The following ZDHHC18 variants were observed in gnomAD, a reference collection of about 807,000 sequenced individuals.
The protein encoded by ZDHHC18 is palmitoyltransferase ZDHHC18.
Under a neutral mutation model 37.5 loss-of-function variants are expected in ZDHHC18, and 23 were observed. That is an observed-to-expected ratio of 0.61 (90% CI 0.44 to 0.87). The LOEUF (loss-of-function observed/expected upper bound fraction) is 0.87, where lower values mean the gene tolerates loss of function less well. ZDHHC18 is among the 40% of genes least tolerant of loss of function. ZDHHC18 has a pLI of 0.00. For missense variants in ZDHHC18, 406 were observed against 525.6 expected (o/e 0.77, Z 2.22); for synonymous variants, 185 against 218.7 (o/e 0.85, Z 1.36).
chr1:26,841,556 A>G (rs1210994837), intron 2 of ZDHHC18, among the ~76,000 whole-genome samples: 3 of 152,218 alleles, frequency 2.0e-5, no homozygotes, highest in South Asian at 2.1e-4. Context: ...TCCAAAGCCT[A>G]TGTCCAAGTC....
chr1:26,843,108 T>TA (rs1398675714), intron 2 of ZDHHC18, among the ~76,000 whole-genome samples: 2 of 152,106 alleles, frequency 1.3e-5, no homozygotes, highest in Non-Finnish European at 2.9e-5. Context: ...CTAAATAACT[T>TA]ACTTAAGTCT....
At position 26,851,269 on chromosome 1, in the gene ZDHHC18, C is replaced by G. The variant is rs202069161; in HGVS notation, c.936+38C>G. ...GGAGCCACCCCTCATTCTAGGGCAG[C>G]GCCCTCAGGAGGAGGCAGGGCTGAG... On this transcript the variant is annotated intron_variant, in intron 6 of 7. Transcript: ENST00000374142. 10 of 1,589,112 alleles carry G rather than the reference C, an allele frequency of 6.3e-6. No homozygotes were observed. In the African/African-American group the frequency reaches 1.3e-4, roughly 21 times the overall value.
chr1:26,852,785 T>C lies in ZDHHC18; in HGVS notation c.969T>C (p.Gly323=). The C allele has an allele frequency of 6.2e-7, 1 of 1,614,068 alleles. No individual in the cohort carries two copies. Among genetic ancestry groups the C allele is most frequent in the South Asian group, 1.1e-5 (1 of 91,082 alleles). Residue 323 remains glycine (G), a synonymous_variant, in exon 7 of 8, where the codon GGT becomes GGC. Coordinates refer to ENST00000374142, the MANE Select transcript of ZDHHC18 (RefSeq NM_032283.3). ...IKGSWSSKRG[G]EASVNPYSHK... is the part of the protein sequence containing the mutation. ...GCTCGTGGTCCAGCAAGAGGGGCGGTGAGGCCTCTGTCAACCCCTACAGCC... is the reference window on the plus strand; with the variant it reads ...GCTCGTGGTCCAGCAAGAGGGGCGGCGAGGCCTCTGTCAACCCCTACAGCC...
chr1:26,838,837 G>A (rs1043661096), intron 2 of ZDHHC18, among the ~76,000 whole-genome samples: 3 of 152,256 alleles, frequency 2.0e-5, no homozygotes, highest in Admixed American at 6.5e-5. Context: ...ACTAAGCCTG[G>A]TATGTGGTGA....
At chr1:26,843,236 G>A (rs1261946505) in intron 2 of ZDHHC18, among the ~76,000 whole-genome samples, 9 of 148,730 alleles carry the variant, frequency 6.1e-5, no homozygotes, top group South Asian at 2.1e-4. Flanking sequence ...TCCACCTCCC[G>A]AGTTCAAGCA....
At chr1:26,846,825 T>G (rs2081668208) in intron 2 of ZDHHC18, among the ~76,000 whole-genome samples, 1 of 152,194 alleles carries the variant, frequency 6.6e-6, no homozygotes, top group African/African-American at 2.4e-5. Context: ...TCAACATATG[T>G]CTTAAAAATC....
intron 1 of ZDHHC18, among the ~76,000 whole-genome samples, chr1:26,828,212 C>G (rs1346760019): frequency 6.8e-6 from 1 of 147,720 alleles, no homozygotes; most frequent in African/African-American, 2.5e-5. Flanking sequence ...CCCACCCACC[C>G]TTGCTTCATA....
At chr1:26,845,907 A>G (rs934562023) in intron 2 of ZDHHC18, among the ~76,000 whole-genome samples, 1 of 151,878 alleles carries the variant, frequency 6.6e-6, no homozygotes, top group East Asian at 1.9e-4. Flanking sequence ...GACCACAGGC[A>G]TGAGCAACCA....
At position 26,850,265 on chromosome 1, in the gene ZDHHC18, G is replaced by A. The variant is rs1344197821; in HGVS notation, c.647-36G>A. On this transcript the variant is annotated intron_variant, in intron 3 of 7. Coordinates refer to ENST00000374142, the MANE Select transcript of ZDHHC18 (RefSeq NM_032283.3). The surrounding 1 kb of genome is among the most constrained non-coding windows in gnomAD (Gnocchi z 6.1). ...AAATGCCTGTGCTGGCTGCAGGCCA[G>A]CCCACACTAACCCATCGCCCCTTGC... 6.2e-7 allele frequency: 1 copy of A among 1,608,552 alleles called. No individual in the cohort carries two copies.
chr1:26,846,216 A>ATATATATGTGTG (rs1165151585), intron 2 of ZDHHC18, among the ~76,000 whole-genome samples: 1 of 330 alleles, frequency 3.0e-3, no homozygotes, highest in East Asian at 0.25. Context: ...ACGTATATAC[A>ATATATATGTGTG]TATATATGTG....
rs886550108 is a variant in ZDHHC18, at chr1:26,853,294, G to A, written c.1049+429G>A. Reference sequence around the variant, plus strand: ...CCAGGGGGCACCAGAGTTCCAGAACGGGGATTACATTGCTGTGGGTACTGC... The same window carrying A: ...CCAGGGGGCACCAGAGTTCCAGAACAGGGATTACATTGCTGTGGGTACTGC... On this transcript the variant is annotated intron_variant, in intron 7 of 7. Coordinates refer to ENST00000374142, the MANE Select transcript of ZDHHC18 (RefSeq NM_032283.3). 10 of 243,034 alleles carry A rather than the reference G, an allele frequency of 4.1e-5. 1 individual carries two copies. Among genetic ancestry groups the A allele is most frequent in the Admixed American group, 3.5e-4 (7 of 19,756 alleles). 15.1% of individuals were successfully genotyped at this position (243,034 alleles called of 1,614,324 possible).
At position 26,853,750 on chromosome 1, in the gene ZDHHC18, G is replaced by C. The variant is rs1158077162; in HGVS notation, c.1074G>C (p.Val358=). 22 of 1,614,076 alleles carry C rather than the reference G, an allele frequency of 1.4e-5. No individual in the cohort carries two copies. The highest frequency in any genetic ancestry group is 1.8e-5 in the Non-Finnish European group (21 of 1,180,030). Residue 358 remains valine (V), a synonymous_variant, in exon 8 of 8, where the codon GTG becomes GTC. Coordinates refer to ENST00000374142, the MANE Select transcript of ZDHHC18 (RefSeq NM_032283.3). ...GCCTAATTGACCGGAGGGGATTTGT[G>C]CAGTCCGACACCGTGTTGCCCTCAC... ...PPSLIDRRGF[V]QSDTVLPSPI... is the part of the protein sequence containing the mutation.
At chr1:26,839,251 A>G (rs1247311115) in intron 2 of ZDHHC18, among the ~76,000 whole-genome samples, 2 of 152,218 alleles carry the variant, frequency 1.3e-5, no homozygotes, top group East Asian at 3.8e-4. Flanking sequence ...TTGCTGGCAT[A>G]AGGGCACCTT....
In ZDHHC18 at chr1:26,857,298, C is replaced by A. The variant is rs753817594; in HGVS notation, c.*3455C>A. The A allele has an allele frequency of 2.6e-5, 4 of 152,206 alleles. No individual in the cohort carries two copies. The highest frequency in any genetic ancestry group is 2.6e-4 in the Admixed American group (4 of 15,282). The allele number at this position is 152,206 out of a possible 1,614,324, so 9.4% of individuals were successfully genotyped here. A position where few individuals can be genotyped will look rare whatever the true frequency, so the allele number is the denominator to read the frequency against. The stretch of plus-strand genomic sequence containing the variant: ...TGTCTGGGGTGTTGATGGTGGATGA[C>A]GCTGCTGAACAAGTTTGGTGACTGT... On this transcript the variant is annotated 3_prime_UTR_variant, in exon 8 of 8. Coordinates refer to ENST00000374142, the MANE Select transcript of ZDHHC18 (RefSeq NM_032283.3).
intron 1 of ZDHHC18, among the ~76,000 whole-genome samples, chr1:26,827,908 C>T (rs967075403): frequency 6.6e-6 from 1 of 152,200 alleles, no homozygotes; most frequent in African/African-American, 2.4e-5. Context: ...CCCTGCTGAC[C>T]ACCTGGCTTT....
At chr1:26,845,024 G>A (rs1252546364) in intron 2 of ZDHHC18, among the ~76,000 whole-genome samples, 3 of 151,120 alleles carry the variant, frequency 2.0e-5, no homozygotes, top group South Asian at 2.1e-4. Context: ...GAGTTCAAGT[G>A]ATTCTCCTGC....
In ZDHHC18 at chr1:26,850,718, C is replaced by T; in HGVS notation, c.833+112C>T. On this transcript the variant is annotated intron_variant, in intron 5 of 7. Transcript: ENST00000374142. This position sits in a 1 kb window ranked among gnomAD's most constrained non-coding sequence, Gnocchi z 6.1. ...GGAACAGCGTACAGCTCACATGTGT[C>T]CTCCAGAATCCAACATGCCAGCTCT... 1.6e-6 allele frequency: 2 copies of T among 1,241,222 alleles called. No individual in the cohort carries two copies. Among genetic ancestry groups the T allele is most frequent in the Non-Finnish European group, 2.3e-6 (2 of 872,294 alleles). The allele number at this position is 1,241,222 out of a possible 1,614,324, so 76.9% of individuals were successfully genotyped here. A position where few individuals can be genotyped will look rare whatever the true frequency, so the allele number is the denominator to read the frequency against.
At chr1:26,851,073 G>A in intron 5 of ZDHHC18, 56 bp from the exon 6 acceptor site, 1 of 1,507,822 alleles carries the variant, frequency 6.6e-7, no homozygotes, top group Non-Finnish European at 9.2e-7. Flanking sequence ...AGACAGGCCA[G>A]GTGTGGCTGG....
At chr1:26,845,086 G>A (rs150290534) in intron 2 of ZDHHC18, among the ~76,000 whole-genome samples, 34 of 151,642 alleles carry the variant, frequency 2.2e-4, no homozygotes, top group African/African-American at 7.0e-4. Context: ...CACCATGCCC[G>A]GCTAATTTTT....
Sources: gnomAD v4.1 joint callset for allele counts (sites outside exome capture counted in the v4.1 genomes callset) on GRCh38, gnomAD v4.1.1 for gene constraint, Gnocchi (gnomAD v3.1) non-coding constraint, MANE v1.5 for transcripts, NCBI Gene and HGNC (gene_info 2026-07-23, HGNC 2026-07-21) for gene names.